LRRC2: variants seen among roughly 807,000 people sequenced by gnomAD.
LRRC2 encodes leucine rich repeat containing 2, also known as leucine-rich repeat-containing protein 2.
Under a neutral mutation model 40.2 loss-of-function variants are expected in LRRC2, and 27 were observed. The ratio of observed to expected loss-of-function variants is 0.67; its 90% CI spans 0.49 to 0.93. The LOEUF is 0.93. LRRC2 is among the 40% of genes least tolerant of loss of function. The probability of loss-of-function intolerance (pLI) is 0.00; values close to 1 mark genes in which losing one functional copy is unlikely to be tolerated. For synonymous variants in LRRC2, 147 were observed against 158.9 expected, an observed-to-expected ratio of 0.92 and a Z score of 0.56; for missense variants, 402 against 439.6, an observed-to-expected ratio of 0.91 and a Z score of 0.76.
At position 46,540,803 on chromosome 3, in the gene LRRC2, G is replaced by A. The variant is rs181618943; in HGVS notation, c.334-1602C>T. 5.3e-5 allele frequency among the ~76,000 whole-genome samples: 8 copies of A among 152,202 alleles called. No individual in the cohort carries two copies. The East Asian group carries it at 1.2e-3, about 22-fold the overall frequency. On this transcript the variant is annotated intron_variant, in intron 3 of 8. Coordinates refer to ENST00000395905, the MANE Select transcript of LRRC2 (RefSeq NM_024512.5). ...TCTCGTGGCCCTGGCAAACTGTCCC[G>A]ACACCTCTTGATCTGAATGGAACCC...
chr3:46,521,611 T>A lies in LRRC2; in HGVS notation c.977A>T (p.Asp326Val). 1.2e-6 allele frequency: 2 copies of A among 1,613,042 alleles called. No individual in the cohort carries two copies. Among genetic ancestry groups the A allele is most frequent in the South Asian group, 2.2e-5 (2 of 91,068 alleles). Residue 326 changes from aspartate (D) to valine (V), a missense_variant, in exon 8 of 9, where the codon GAT becomes GTT. By Grantham distance (152) the Asp-to-Val change is radical. Coordinates refer to ENST00000395905, the MANE Select transcript of LRRC2 (RefSeq NM_024512.5). ...DNPIDNAQCE[D>V]GNEIMESERD... The stretch of plus-strand genomic sequence containing the variant: ...TTCACTTTCCATTATTTCATTGCCA[T>A]CTTCACATTGGGCATTATCAATAGG...
intron 7 of LRRC2, among the ~76,000 whole-genome samples, chr3:46,525,076 C>CT (rs915342512): frequency 6.4e-4 from 83 of 130,300 alleles, no homozygotes; most frequent in African/African-American, 1.9e-3. Context: ...TACTGTAATT[C>CT]TTTTTTTTTC....
At chr3:46,564,932 C>A (rs17078958) in intron 1 of LRRC2, among the ~76,000 whole-genome samples, 2 of 152,354 alleles carry the variant, frequency 1.3e-5, no homozygotes, top group Middle Eastern at 6.8e-3. Flanking sequence ...AACCAAGGAG[C>A]TTTGGTGACT....
intron 4 of LRRC2, among the ~76,000 whole-genome samples, chr3:46,534,449 TTTCTTTC>T: frequency 6.6e-6 from 1 of 151,316 alleles, no homozygotes; most frequent in Non-Finnish European, 1.5e-5. Context: ...TCTTTCTTTC[TTTCTTTC>T]TTTCTTTCTT....
intron 8 of LRRC2, 79 bp downstream of exon 8, chr3:46,521,443 T>G: frequency 1.7e-6 from 2 of 1,183,062 alleles, no homozygotes; most frequent in East Asian, 2.6e-5. Context: ...TTTGTCAATT[T>G]GACTTCTATT....
intron 3 of LRRC2, among the ~76,000 whole-genome samples, chr3:46,541,190 G>C (rs143497157): frequency 6.6e-6 from 1 of 151,944 alleles, no homozygotes; most frequent in Non-Finnish European, 1.5e-5. Context: ...AACATTAGCC[G>C]GGCGTGGTGG....
intron 1 of LRRC2, chr3:46,557,589 C>A (rs939408): frequency 0.25 from 37,337 of 152,084 alleles, 5,541 homozygotes; most frequent in Middle Eastern, 0.32. Flanking sequence ...CAATTATTGT[C>A]TTTTTATTTC....
chr3:46,531,022 G>A (rs1704150603), intron 5 of LRRC2, among the ~76,000 whole-genome samples: 1 of 152,180 alleles, frequency 6.6e-6, no homozygotes, highest in African/African-American at 2.4e-5. Flanking sequence ...TCAATAGCAG[G>A]AGCCCCCCTG....
At chr3:46,521,411 G>A (rs1018485073) in intron 8 of LRRC2, 111 bp downstream of exon 8, 11 of 727,862 alleles carry the variant, frequency 1.5e-5, no homozygotes, top group Non-Finnish European at 2.2e-5. Flanking sequence ...ACGAAGTAAC[G>A]TGCCCCTCAA....
chr3:46,550,644 G>C (rs2107036246), intron 2 of LRRC2, among the ~76,000 whole-genome samples: 1 of 152,266 alleles, frequency 6.6e-6, no homozygotes, highest in African/African-American at 2.4e-5. Context: ...GCCTGCCTCG[G>C]TCTCCTAGAG....
rs764309811 is a variant in LRRC2, at chr3:46,521,636, G to A, written c.952C>T (p.Pro318Ser). The A allele has an allele frequency of 3.7e-6, 6 of 1,612,426 alleles. No individual in the cohort carries two copies. Among genetic ancestry groups the A allele is most frequent in the Admixed American group, 3.3e-5 (2 of 59,940 alleles). The change falls in exon 8 of 9, where the codon CCT becomes TCT. Residue 318 changes from proline to serine, a missense_variant. Coordinates refer to ENST00000395905, the MANE Select transcript of LRRC2 (RefSeq NM_024512.5). ...TCTTCACATTGGGCATTATCAATAG[G>A]ATTGTCCATAAGGCTTACAAATCTA... ...PLKFVSLMDN[P>S]IDNAQCEDGN... is the part of the protein sequence containing the mutation.
chr3:46,550,806 A>G (rs577241260), intron 2 of LRRC2, among the ~76,000 whole-genome samples: 11 of 152,290 alleles, frequency 7.2e-5, no homozygotes, highest in Admixed American at 3.9e-4. Flanking sequence ...CATTGTGTCA[A>G]TCTTATATAA....
intron 1 of LRRC2, among the ~76,000 whole-genome samples, chr3:46,556,920 C>T (rs1214913549): frequency 1.3e-5 from 2 of 152,120 alleles, no homozygotes; most frequent in African/African-American, 2.4e-5. Flanking sequence ...TACACTCTTC[C>T]TCCTCTCCTT....
At chr3:46,545,338 A>G (rs770059431) in intron 2 of LRRC2, 85 bp from the exon 3 acceptor site, 9 of 1,157,930 alleles carry the variant, frequency 7.8e-6, no homozygotes, top group Non-Finnish European at 1.1e-5. Context: ...ACCTGGGCAT[A>G]GGTGCTCTCC....
chr3:46,561,698 A>C (rs1449938243), intron 1 of LRRC2, among the ~76,000 whole-genome samples: 1 of 152,150 alleles, frequency 6.6e-6, no homozygotes, highest in Non-Finnish European at 1.5e-5. Flanking sequence ...AAGCAAGGTG[A>C]CCTACTCAGT....
chr3:46,535,426 T>C (rs13083022), intron 4 of LRRC2, among the ~76,000 whole-genome samples: 9,817 of 152,264 alleles, frequency 0.064, 468 homozygotes, highest in South Asian at 0.17. Context: ...AAAATATATA[T>C]ATGACTTAAA....
chr3:46,556,791 T>C (rs112782854), intron 1 of LRRC2, among the ~76,000 whole-genome samples: 6,635 of 152,008 alleles, frequency 0.044, 234 homozygotes, highest in South Asian at 0.16. Flanking sequence ...GTTGATCAGG[T>C]TGGTCTCGAA....
In LRRC2 at chr3:46,545,236, T is replaced by C; in HGVS notation, c.143A>G (p.Asn48Ser). Reference protein sequence around the residue: ...SALEKIKEEWNFVAECRRKGI... With the variant: ...SALEKIKEEWSFVAECRRKGI... ...CTTCCTCCTGCATTCGGCCACAAAG[T>C]TCCACTCCTCCTTTATCCTAAAACA... The change falls in exon 3 of 9, where the codon AAC (asparagine) becomes AGC (serine). Residue 48 changes from asparagine to serine, a missense_variant. Coordinates refer to ENST00000395905, the MANE Select transcript of LRRC2 (RefSeq NM_024512.5). 6.2e-7 allele frequency: 1 copy of C among 1,614,084 alleles called. No homozygotes were observed. Among genetic ancestry groups the C allele is most frequent in the Non-Finnish European group, 8.5e-7 (1 of 1,179,990 alleles).
At chr3:46,553,976 T>TTTG (rs35459832) in intron 1 of LRRC2, among the ~76,000 whole-genome samples, 7,233 of 151,756 alleles carry the variant, frequency 0.048, 239 homozygotes, top group Non-Finnish European at 0.072. Context: ...ACTGCCTTTG[T>TTTG]TTGTTGTTGT....
Sources: gnomAD v4.1 joint callset for allele counts (sites outside exome capture counted in the v4.1 genomes callset) on GRCh38, gnomAD v4.1.1 for gene constraint, MANE v1.5 for transcripts, NCBI Gene and HGNC (gene_info 2026-07-23, HGNC 2026-07-21) for gene names.